JMJD1C: variants seen among roughly 807,000 people sequenced by gnomAD.
The protein encoded by JMJD1C is jumonji domain-containing protein 1C.
JMJD1C carries 31 observed loss-of-function variants against 245.3 expected under a neutral mutation model. The ratio of observed to expected loss-of-function variants is 0.13; its 90% CI spans 0.09 to 0.17. JMJD1C has a LOEUF of 0.17. Ranked by LOEUF, JMJD1C falls within the 10% of genes least tolerant of loss-of-function variation. The probability of loss-of-function intolerance (pLI) is 1.00; values close to 1 mark genes in which losing one functional copy is unlikely to be tolerated. For missense variants in JMJD1C, 2,691 were observed against 3,000.2 expected (o/e 0.90, Z 2.41); for synonymous variants, 1,057 against 1,017.4 (o/e 1.04, Z -0.74).
intron 2 of JMJD1C, among the ~76,000 whole-genome samples, chr10:63,357,447 A>C (rs1944941395): frequency 6.6e-6 from 1 of 152,040 alleles, no homozygotes; most frequent in African/African-American, 2.4e-5. Context: ...CTGGGATTAC[A>C]GGTGTGCGCC....
intron 1 of JMJD1C, among the ~76,000 whole-genome samples, chr10:63,405,808 C>T (rs990994695): frequency 2.0e-5 from 3 of 152,100 alleles, no homozygotes; most frequent in Non-Finnish European, 4.4e-5. Context: ...CAGGGCCTGA[C>T]ATACATTAGG....
At chr10:63,436,187 T>C (rs562421864) in intron 1 of JMJD1C, among the ~76,000 whole-genome samples, 1 of 152,202 alleles carries the variant, frequency 6.6e-6, no homozygotes, top group Non-Finnish European at 1.5e-5. Context: ...ATTTAAGTAG[T>C]AGCCGAATTC....
At chr10:63,410,582 CCTAA>C (rs1376361123) in intron 1 of JMJD1C, among the ~76,000 whole-genome samples, 2 of 152,240 alleles carry the variant, frequency 1.3e-5, no homozygotes, top group East Asian at 3.9e-4. Context: ...AGAAATCAGT[CCTAA>C]CTTCTAAGCA....
intron 10 of JMJD1C, chr10:63,203,489 A>T (rs1039255916): frequency 6.4e-5 from 63 of 984,158 alleles, no homozygotes; most frequent in Non-Finnish European, 6.5e-5. Flanking sequence ...CTTAAAAAAT[A>T]TTTTTTTGGA....
intron 3 of JMJD1C, among the ~76,000 whole-genome samples, chr10:63,263,539 C>G (rs1855067430): frequency 6.6e-6 from 1 of 152,148 alleles, no homozygotes; most frequent in Non-Finnish European, 1.5e-5. Context: ...TAAACTGGTT[C>G]ACTCATCCTT....
At chr10:63,488,735 A>G (rs1462984911) in intron 1 of JMJD1C, among the ~76,000 whole-genome samples, 5 of 152,190 alleles carry the variant, frequency 3.3e-5, no homozygotes, top group African/African-American at 1.2e-4. Flanking sequence ...GCAACTGAAG[A>G]TATGTTATAG....
rs5785572 is a variant in JMJD1C at position 63,424,228 on chromosome 10, C to CTT, written c.168+41265_168+41266dup. Among the ~76,000 whole-genome samples the CTT allele has an allele frequency of 5.0e-3, 698 of 139,770 alleles. 5 individuals carry two copies. The highest frequency in any genetic ancestry group is 0.03 in the South Asian group (132 of 4,392). The allele number at this position is 139,770 out of a possible 152,430, so 91.7% of individuals were successfully genotyped here. ...TACAGGTACAAATCACCATACCCAG[C>CTT]TTTTTTTTTTTTTTTTTAAGTAGAG... On this transcript the variant is annotated intron_variant, in intron 1 of 25. Transcript: ENST00000399262.
chr10:63,494,525 T>A (rs568067380), intron 1 of JMJD1C, among the ~76,000 whole-genome samples: 5 of 148,966 alleles, frequency 3.4e-5, no homozygotes, highest in African/African-American at 1.3e-4. Context: ...GTAAAAAAAA[T>A]ATTTTTAAGA....
intron 2 of JMJD1C, among the ~76,000 whole-genome samples, chr10:63,333,708 G>C (rs1187891300): frequency 6.6e-6 from 1 of 152,018 alleles, no homozygotes; most frequent in Non-Finnish European, 1.5e-5. Flanking sequence ...AGAAACCTAG[G>C]AGCATTGCCC....
chr10:63,405,194 A>G lies in JMJD1C; in HGVS notation c.169-24712T>C, dbSNP rs565169279. On this transcript the variant is annotated intron_variant, in intron 1 of 25. Transcript: ENST00000399262. Reference sequence around the variant, plus strand: ...CTCAATTAAATCCTATAAAGTAGGTATTAAATATGTTTTTCAGATGAGAAC... The same window carrying G: ...CTCAATTAAATCCTATAAAGTAGGTGTTAAATATGTTTTTCAGATGAGAAC... Among the ~76,000 whole-genome samples the G allele has an allele frequency of 4.6e-5, 7 of 152,320 alleles. No individual in the cohort carries two copies. The South Asian group carries it at 1.4e-3, about 32-fold the overall frequency.
At chr10:63,365,266 T>C (rs1483256326) in intron 2 of JMJD1C, among the ~76,000 whole-genome samples, 3 of 152,218 alleles carry the variant, frequency 2.0e-5, no homozygotes, top group Non-Finnish European at 4.4e-5. Context: ...TAACTGAATG[T>C]TTCATTTTCC....
intron 1 of JMJD1C, among the ~76,000 whole-genome samples, chr10:63,477,294 A>C (rs896945698): frequency 1.3e-5 from 2 of 152,112 alleles, no homozygotes; most frequent in African/African-American, 4.8e-5. Flanking sequence ...ACAATTTCAG[A>C]ATGAAAAAAT....
intron 1 of JMJD1C, among the ~76,000 whole-genome samples, chr10:63,441,453 C>T (rs922630855): frequency 7.2e-5 from 11 of 152,050 alleles, no homozygotes; most frequent in African/African-American, 1.4e-4. Flanking sequence ...TCCATGGGGA[C>T]GAAGTAAGCT....
At chr10:63,294,263 T>G (rs1357976880) in intron 2 of JMJD1C, among the ~76,000 whole-genome samples, 2 of 151,970 alleles carry the variant, frequency 1.3e-5, no homozygotes, top group African/African-American at 4.8e-5. Flanking sequence ...ATGTTTCCCT[T>G]TATCTGTTCA....
intron 2 of JMJD1C, among the ~76,000 whole-genome samples, chr10:63,313,431 A>G (rs1939507610): frequency 6.6e-6 from 1 of 152,130 alleles, no homozygotes; most frequent in Non-Finnish European, 1.5e-5. Context: ...TTTTCATATA[A>G]TGACTACTTT....
At chr10:63,416,799 A>T (rs1949834762) in intron 1 of JMJD1C, among the ~76,000 whole-genome samples, 1 of 152,354 alleles carries the variant, frequency 6.6e-6, no homozygotes, top group East Asian at 1.9e-4. Context: ...GCTAAATTTT[A>T]ACCTGTTTAC....
intron 1 of JMJD1C, among the ~76,000 whole-genome samples, chr10:63,503,618 T>C (rs1202644112): frequency 6.6e-6 from 1 of 152,220 alleles, no homozygotes; most frequent in Non-Finnish European, 1.5e-5. Context: ...AGCTGCTTTT[T>C]ATTCCTACGG....
At chr10:63,385,339 G>A (rs1351843430) in intron 1 of JMJD1C, among the ~76,000 whole-genome samples, 3 of 149,428 alleles carry the variant, frequency 2.0e-5, no homozygotes, top group African/African-American at 4.9e-5. Flanking sequence ...ATTTTTCCAC[G>A]TGCAGATGGA....
intron 2 of JMJD1C, among the ~76,000 whole-genome samples, chr10:63,283,020 T>C (rs1029553423): frequency 6.6e-6 from 1 of 152,096 alleles, no homozygotes; most frequent in African/African-American, 2.4e-5. Context: ...CCCAGCCCTC[T>C]AGGTTTTCTT....
Sources: gnomAD v4.1 joint callset for allele counts (sites outside exome capture counted in the v4.1 genomes callset) on GRCh38, gnomAD v4.1.1 for gene constraint, MANE v1.5 for transcripts, NCBI Gene and HGNC (gene_info 2026-07-23, HGNC 2026-07-21) for gene names.